The following SFRP1 variants were observed in gnomAD, a reference collection of about 807,000 sequenced individuals.
SFRP1 encodes the protein secreted frizzled related protein 1.
In SFRP1, 9 loss-of-function variants were observed where a neutral mutation model predicts 25.9. The ratio of observed to expected loss-of-function variants is 0.35; its 90% CI spans 0.21 to 0.61. The LOEUF (loss-of-function observed/expected upper bound fraction) is 0.61. Among genes scored for constraint, SFRP1 ranks in the 20% least tolerant of loss-of-function variants. The probability of loss-of-function intolerance (pLI) is 0.78; values close to 1 mark genes in which losing one functional copy is unlikely to be tolerated. For missense variants in SFRP1, 346 were observed against 418.2 expected, an observed-to-expected ratio of 0.83 and a Z score of 1.51; for synonymous variants, 178 against 174.0, an observed-to-expected ratio of 1.02 and a Z score of -0.18.
At chr8:41,306,904 C>G in intron 1 of SFRP1, 1 of 1,582,976 alleles carries the variant, frequency 6.3e-7, no homozygotes, top group African/African-American at 1.3e-5. Context: ...CTCTCTTCTT[C>G]AGGCAACCCG....
chr8:41,303,414 C>T (rs1162407604), intron 2 of SFRP1, 47 bp downstream of exon 2: 12 of 1,408,000 alleles, frequency 8.5e-6, no homozygotes, highest in Non-Finnish European at 1.1e-5. Flanking sequence ...GAGGCACAGA[C>T]CAGGAGGTTC....
rs186059752 is a variant in SFRP1 at position 41,270,232 on chromosome 8, A to G, written c.623-4743T>C. On this transcript the variant is annotated intron_variant, in intron 2 of 2. Transcript: ENST00000220772. The stretch of plus-strand genomic sequence containing the variant: ...GAGCACTTGCAGGCACGCTAGCCAC[A>G]TGGATTAGACTGAGCCCGTGCAATC... 1.0e-3 allele frequency among the ~76,000 whole-genome samples: 156 copies of G among 152,322 alleles called. 1 individual carries two copies. The highest frequency in any genetic ancestry group is 3.6e-3 in the African/African-American group (149 of 41,582).
At chr8:41,292,759 A>G (rs1803793920) in intron 2 of SFRP1, among the ~76,000 whole-genome samples, 1 of 152,234 alleles carries the variant, frequency 6.6e-6, no homozygotes, top group Non-Finnish European at 1.5e-5. Context: ...ACGATTGTTG[A>G]ATCATCTCTG....
chr8:41,303,614 G>T, intron 1 of SFRP1, 76 bp from the exon 2 acceptor site: 1 of 1,204,276 alleles, frequency 8.3e-7, no homozygotes, highest in Non-Finnish European at 1.2e-6. Context: ...GAAAAGATCG[G>T]CCCTGGGTCC....
At chr8:41,284,545 C>T (rs532983530) in intron 2 of SFRP1, among the ~76,000 whole-genome samples, 7 of 152,280 alleles carry the variant, frequency 4.6e-5, no homozygotes, top group African/African-American at 1.7e-4. Flanking sequence ...TGCTGGGCTG[C>T]AAATACCCAC....
At chr8:41,288,686 C>T (rs1483402001) in intron 2 of SFRP1, among the ~76,000 whole-genome samples, 1 of 152,044 alleles carries the variant, frequency 6.6e-6, no homozygotes, top group East Asian at 1.9e-4. Flanking sequence ...TGGTTCCAAG[C>T]ATTGCCCTTG....
At chr8:41,280,147 G>A (rs1294314888) in intron 2 of SFRP1, among the ~76,000 whole-genome samples, 1 of 152,198 alleles carries the variant, frequency 6.6e-6, no homozygotes, top group African/African-American at 2.4e-5. Flanking sequence ...GTCCAGGGGA[G>A]TGCAGGGGGA....
chr8:41,266,125 C>A (rs1803432554), intron 2 of SFRP1, among the ~76,000 whole-genome samples: 1 of 151,754 alleles, frequency 6.6e-6, no homozygotes, highest in Non-Finnish European at 1.5e-5. Context: ...AAGATCACAC[C>A]ACTGCACTCC....
chr8:41,262,129 T>C lies in SFRP1; in HGVS notation c.*3038A>G, dbSNP rs547196200. 1.6e-4 allele frequency: 24 copies of C among 152,578 alleles called. No homozygotes were observed. The highest frequency in any genetic ancestry group is 5.8e-4 in the African/African-American group (24 of 41,538). 9.5% of individuals were successfully genotyped at this position (152,578 alleles called of 1,614,324 possible). A position where few individuals can be genotyped will look rare whatever the true frequency, so the allele number is the denominator to read the frequency against. Reference sequence around the variant, plus strand: ...ACAAATGAAATGGAATGTAAAACATTTTCACAGTATTCAAAGCTTTTGTAA... The same window carrying C: ...ACAAATGAAATGGAATGTAAAACATCTTCACAGTATTCAAAGCTTTTGTAA... On this transcript the variant is annotated 3_prime_UTR_variant, in exon 3 of 3. Transcript: ENST00000220772.
At chr8:41,270,944 C>T (rs942402842) in intron 2 of SFRP1, 1 of 152,436 alleles carries the variant, frequency 6.6e-6, no homozygotes, top group East Asian at 1.9e-4. Flanking sequence ...TGCGTGAACA[C>T]CAAAGGGTTA....
At chr8:41,298,320 A>G (rs1323649969) in intron 2 of SFRP1, 1 of 152,228 alleles carries the variant, frequency 6.6e-6, no homozygotes, top group African/African-American at 2.4e-5. Context: ...GTTAACAATA[A>G]TTTATTGTAT....
chr8:41,309,307 G>T lies in SFRP1; in HGVS notation c.-148C>A. 1 of 987,504 alleles carries T rather than the reference G, an allele frequency of 1.0e-6. No homozygotes were observed. The highest frequency in any genetic ancestry group is 1.3e-6 in the Non-Finnish European group (1 of 777,126). 61.2% of individuals were successfully genotyped at this position (987,504 alleles called of 1,614,324 possible). A position where few individuals can be genotyped will look rare whatever the true frequency, so the allele number is the denominator to read the frequency against. ...CTCCGCGGCCGCAAGCTGCTGCCCG[G>T]TCCCCCCGGCCAGTGGCGGCCCTCG... is the stretch of plus-strand genomic sequence containing the variant. On this transcript the variant is annotated 5_prime_UTR_variant, in exon 1 of 3. Coordinates refer to ENST00000220772, the MANE Select transcript of SFRP1 (RefSeq NM_003012.5).
rs1803415911 is a variant in SFRP1, at chr8:41,264,975, T to C, written c.*192A>G. On this transcript the variant is annotated 3_prime_UTR_variant, in exon 3 of 3. Transcript: ENST00000220772. ...AAATGGCCCTTGCTTTACCCGGCCA[T>C]GGCTACCCTGGGGTTTGGAGCGTGG... 1.8e-6 allele frequency: 1 copy of C among 564,920 alleles called. No homozygotes were observed. The highest frequency in any genetic ancestry group is 3.3e-5 in the Admixed American group (1 of 30,722). The allele number at this position is 564,920 out of a possible 1,614,324, so 35.0% of individuals were successfully genotyped here. A position where few individuals can be genotyped will look rare whatever the true frequency, so the allele number is the denominator to read the frequency against.
chr8:41,288,207 AATT>A (rs979941951), intron 2 of SFRP1, among the ~76,000 whole-genome samples: 2 of 151,462 alleles, frequency 1.3e-5, no homozygotes, highest in Non-Finnish European at 2.9e-5. Context: ...AAAATAAAAA[AATT>A]AGCCAGTTGT....
At chr8:41,272,222 A>C (rs576852488) in intron 2 of SFRP1, among the ~76,000 whole-genome samples, 7 of 152,366 alleles carry the variant, frequency 4.6e-5, no homozygotes, top group Non-Finnish European at 1.0e-4. Context: ...ATTAACCAAA[A>C]GTGTGATGTA....
intron 2 of SFRP1, among the ~76,000 whole-genome samples, chr8:41,292,727 A>G (rs766827619): frequency 2.6e-5 from 4 of 152,232 alleles, no homozygotes; most frequent in Non-Finnish European, 5.9e-5. Context: ...GTACAGACTA[A>G]GCAGGGCTCA....
chr8:41,302,668 G>A (rs183547762), intron 2 of SFRP1, among the ~76,000 whole-genome samples: 2 of 152,262 alleles, frequency 1.3e-5, no homozygotes, highest in East Asian at 1.9e-4. Flanking sequence ...AAGGGGTGCC[G>A]TTTACATTTA....
At chr8:41,296,791 T>A (rs1011818224) in intron 2 of SFRP1, among the ~76,000 whole-genome samples, 1 of 151,996 alleles carries the variant, frequency 6.6e-6, no homozygotes, top group South Asian at 2.1e-4. Flanking sequence ...ACGCGTTAGG[T>A]AGAGTGTTTC....
At chr8:41,299,419 C>A (rs1469969080) in intron 2 of SFRP1, among the ~76,000 whole-genome samples, 1 of 148,952 alleles carries the variant, frequency 6.7e-6, no homozygotes, top group South Asian at 2.1e-4. Context: ...TGCTCAGTCA[C>A]CCAAAACAGG....
Sources: allele counts gnomAD v4.1 joint callset (sites outside exome capture counted in the v4.1 genomes callset), GRCh38; gene constraint gnomAD v4.1.1; transcripts MANE v1.5; gene names NCBI Gene and HGNC (gene_info 2026-07-23, HGNC 2026-07-21).